The following LMNB2 variants were observed in gnomAD, a reference collection of about 807,000 sequenced individuals.
The protein encoded by LMNB2 is lamin B2.
A neutral mutation model predicts 69.3 loss-of-function variants in LMNB2; 17 were observed. The ratio of observed to expected loss-of-function variants is 0.25; its 90% CI spans 0.17 to 0.37. LMNB2 has a LOEUF of 0.37. Among genes scored for constraint, LMNB2 ranks in the 10% least tolerant of loss-of-function variants. The pLI is 1.00. For missense variants in LMNB2, 789 were observed against 883.6 expected (o/e 0.89, Z 1.36); for synonymous variants, 397 against 389.3 (o/e 1.02, Z -0.23).
In LMNB2 at chr19:2,453,498, C is replaced by T. The variant is rs1972053386; in HGVS notation, c.264+3172G>A. Among the ~76,000 whole-genome samples the T allele has an allele frequency of 4.6e-5, 7 of 152,130 alleles. No homozygotes were observed. Among genetic ancestry groups the T allele is most frequent in the Admixed American group, 3.9e-4 (6 of 15,270 alleles). On this transcript the variant is annotated intron_variant, in intron 1 of 11. Transcript: ENST00000325327. The surrounding 1 kb of genome is among the most constrained non-coding windows in gnomAD (Gnocchi z 4.4). ...CCCCAGCAGGCTTCCAACTCTGCTC[C>T]CCACTAGCCGGGTTCCTGGCCCACT...
Position 2,443,343 on chromosome 19 carries a change from C to T in LMNB2, c.401+1061G>A, listed in dbSNP as rs1247806639. Among the ~76,000 whole-genome samples, 1 of 152,164 alleles carries T rather than the reference C, an allele frequency of 6.6e-6. No homozygotes were observed. Among genetic ancestry groups the T allele is most frequent in the African/African-American group, 2.4e-5 (1 of 41,434 alleles). ...AGCGCCAGCCCAGGAAGGAGGAGGGCGTCGGATGGAGAGGTCACCTGCAAC... is the reference window on the plus strand; with the variant it reads ...AGCGCCAGCCCAGGAAGGAGGAGGGTGTCGGATGGAGAGGTCACCTGCAAC... On this transcript the variant is annotated intron_variant, in intron 2 of 11. Transcript: ENST00000325327. The surrounding 1 kb of genome is among the most constrained non-coding windows in gnomAD (Gnocchi z 6.2).
At chr19:2,444,026 G>A (rs950786833) in intron 2 of LMNB2, among the ~76,000 whole-genome samples, 1 of 152,120 alleles carries the variant, frequency 6.6e-6, no homozygotes, top group Admixed American at 6.5e-5. Flanking sequence ...GCCTACGATG[G>A]GGCCTGAGGT....
chr19:2,446,923 A>C (rs893369987), intron 1 of LMNB2, among the ~76,000 whole-genome samples: 4 of 152,028 alleles, frequency 2.6e-5, no homozygotes, highest in African/African-American at 9.7e-5. Flanking sequence ...GGCGGATCAC[A>C]AGGTCAGGAG....
intron 4 of LMNB2, among the ~76,000 whole-genome samples, chr19:2,436,538 C>T (rs1225618066): frequency 9.4e-5 from 14 of 149,468 alleles, no homozygotes; most frequent in African/African-American, 2.7e-4. Context: ...CCTCCACGGC[C>T]GCGCACCCGC....
intron 1 of LMNB2, among the ~76,000 whole-genome samples, chr19:2,454,192 C>CG (rs1972061982): frequency 6.7e-6 from 1 of 148,822 alleles, no homozygotes; most frequent in Non-Finnish European, 1.5e-5. Context: ...ACTCGGGAGA[C>CG]GGGGGCAGGA....
At chr19:2,454,288 A>G (rs1972064223) in intron 1 of LMNB2, among the ~76,000 whole-genome samples, 7 of 125,408 alleles carry the variant, frequency 5.6e-5, no homozygotes, top group Admixed American at 4.9e-4. Context: ...GCGAGACTCT[A>G]TCTCAAAAAA....
intron 1 of LMNB2, among the ~76,000 whole-genome samples, 173 bp downstream of exon 1, chr19:2,456,497 C>A (rs989420883): frequency 6.7e-6 from 1 of 150,336 alleles, no homozygotes; most frequent in Non-Finnish European, 1.5e-5. Context: ...GTGGGAGGGA[C>A]CTGGCCGAGC....
chr19:2,435,189 G>C lies in LMNB2; in HGVS notation c.685-18C>G, dbSNP rs771124388. 1 of 1,598,774 alleles carries C rather than the reference G, an allele frequency of 6.3e-7. No individual in the cohort carries two copies. Reference sequence around the variant, plus strand: ...CGCACCTCCTGCGGACCAAGGCTTCGTGACCCTCTGGTCCCGCCTGGGCCC... The same window carrying C: ...CGCACCTCCTGCGGACCAAGGCTTCCTGACCCTCTGGTCCCGCCTGGGCCC... On this transcript the variant is annotated intron_variant, in intron 4 of 11. Transcript: ENST00000325327.
rs948321251 is a variant in LMNB2 at position 2,428,544 on chromosome 19, G to A, written c.*2367C>T. 2 of 152,258 alleles carry A rather than the reference G, an allele frequency of 1.3e-5. No homozygotes were observed. Among genetic ancestry groups the A allele is most frequent in the African/African-American group, 4.8e-5 (2 of 41,460 alleles). 9.4% of individuals were successfully genotyped at this position (152,258 alleles called of 1,614,324 possible). A position where few individuals can be genotyped will look rare whatever the true frequency, so the allele number is the denominator to read the frequency against. ...AGGCCTCCCGGCTCCTGGGCTCAGCGGGGCAGGCTTCAGCGTTAACCTGGC... is the reference window on the plus strand; with the variant it reads ...AGGCCTCCCGGCTCCTGGGCTCAGCAGGGCAGGCTTCAGCGTTAACCTGGC... On this transcript the variant is annotated 3_prime_UTR_variant, in exon 12 of 12. Coordinates refer to ENST00000325327, the MANE Select transcript of LMNB2 (RefSeq NM_032737.4).
Position 2,433,998 on chromosome 19 carries a change from T to A in LMNB2, c.1310A>T (p.Lys437Met). 3.7e-6 allele frequency: 6 copies of A among 1,609,764 alleles called. No individual in the cohort carries two copies. Among genetic ancestry groups the A allele is most frequent in the Non-Finnish European group, 4.2e-6 (5 of 1,179,152 alleles). ...CAAGGGCTCCTCCACCTCCAGCCGC[T>A]TCCGCTTACTGCGGCCCAGGCGCCC... ...ATGRLGRSKR[K>M]RLEVEEPLGS... Residue 437 changes from lysine (K) to methionine (M), a missense_variant, in exon 8 of 12, where the codon AAG (lysine) becomes ATG (methionine). Lys to Met is a moderately conservative substitution (Grantham distance 95). Around this residue, in one of 3 missense-constraint regions of LMNB2, gnomAD observed 609 missense variants for 630.9 expected, o/e 0.97. Transcript: ENST00000325327.
rs1488673822 is a variant in LMNB2, at chr19:2,429,432, G to A, written c.*1479C>T. ...CTTCTGAGAGCAAGGACAGCGAGCA[G>A]GGGCTACGTGGAGCAGCGGGTGTTT... On this transcript the variant is annotated 3_prime_UTR_variant, in exon 12 of 12. Coordinates refer to ENST00000325327, the MANE Select transcript of LMNB2 (RefSeq NM_032737.4). 16 of 152,422 alleles carry A rather than the reference G, an allele frequency of 1.0e-4. No individual in the cohort carries two copies. Among genetic ancestry groups the A allele is most frequent in the Admixed American group, 1.0e-3 (16 of 15,306 alleles). 9.4% of individuals were successfully genotyped at this position (152,422 alleles called of 1,614,324 possible).
intron 4 of LMNB2, 115 bp downstream of exon 4, chr19:2,438,048 G>A: frequency 1.3e-6 from 2 of 1,504,794 alleles, no homozygotes; most frequent in Non-Finnish European, 1.8e-6. Flanking sequence ...AGCCTCCCTA[G>A]AGCCGTGGGA....
intron 2 of LMNB2, among the ~76,000 whole-genome samples, chr19:2,439,738 T>C (rs71339107): frequency 2.8e-4 from 40 of 141,582 alleles, no homozygotes; most frequent in African/African-American, 9.9e-4. Flanking sequence ...CCCTAGAGCC[T>C]TTTTTTTTTT....
In LMNB2 at chr19:2,438,202, C is replaced by A. The variant is rs1311354821; in HGVS notation, c.645G>T (p.Leu215=). 2 of 1,614,086 alleles carry A rather than the reference C, an allele frequency of 1.2e-6. No homozygotes were observed. The highest frequency in any genetic ancestry group is 1.6e-4 in the Middle Eastern group (1 of 6,062). Residue 215 remains leucine (L), a synonymous_variant, in exon 4 of 12, where the codon CTG becomes CTT. Transcript: ENST00000325327. The stretch of plus-strand genomic sequence containing the variant: ...TCTTCCGGAAGTCCAGCTCCTCCTG[C>A]AGGCTCTGGCAGCGGTTCTCCAGGT... The part of the protein sequence containing the change: ...RVDLENRCQS[L]QEELDFRKSV...
At position 2,443,480 on chromosome 19, in the gene LMNB2, G is replaced by A. The variant is rs999157568; in HGVS notation, c.401+924C>T. ...CAAGCCACTGGCTGCTGTCACCCCCGTACCAGGTGGCCGAGGTGCCACCCC... is the reference window on the plus strand; with the variant it reads ...CAAGCCACTGGCTGCTGTCACCCCCATACCAGGTGGCCGAGGTGCCACCCC... On this transcript the variant is annotated intron_variant, in intron 2 of 11. Transcript: ENST00000325327. The surrounding 1 kb of genome is among the most constrained non-coding windows in gnomAD (Gnocchi z 6.2). Among the ~76,000 whole-genome samples the A allele has an allele frequency of 1.3e-5, 2 of 150,928 alleles. No individual in the cohort carries two copies. The highest frequency in any genetic ancestry group is 4.9e-5 in the African/African-American group (2 of 40,864).
chr19:2,447,750 G>C lies in LMNB2; in HGVS notation c.265-3210C>G, dbSNP rs919743745. Among the ~76,000 whole-genome samples, 1 of 152,158 alleles carries C rather than the reference G, an allele frequency of 6.6e-6. No individual in the cohort carries two copies. The highest frequency in any genetic ancestry group is 1.5e-5 in the Non-Finnish European group (1 of 68,012). On this transcript the variant is annotated intron_variant, in intron 1 of 11. Transcript: ENST00000325327. The surrounding 1 kb of genome is among the most constrained non-coding windows in gnomAD (Gnocchi z 4.4). ...GGCCACACCCCCATGTTACAGGCGAGGCTCCTGTGCAGAGGGCTGGGGGCC... is the reference window on the plus strand; with the variant it reads ...GGCCACACCCCCATGTTACAGGCGACGCTCCTGTGCAGAGGGCTGGGGGCC...
At chr19:2,450,777 G>A (rs1972013029) in intron 1 of LMNB2, among the ~76,000 whole-genome samples, 1 of 151,876 alleles carries the variant, frequency 6.6e-6, no homozygotes, top group Admixed American at 6.6e-5. Context: ...GACTATAGCC[G>A]TGCACCACCA....
At chr19:2,449,638 G>A (rs1230392593) in intron 1 of LMNB2, among the ~76,000 whole-genome samples, 6 of 151,834 alleles carry the variant, frequency 4.0e-5, no homozygotes, top group African/African-American at 4.8e-5. Flanking sequence ...TTAGCTGGGT[G>A]TGGTGGTAGG....
chr19:2,441,625 C>G (rs193210811), intron 2 of LMNB2, among the ~76,000 whole-genome samples: 99 of 152,338 alleles, frequency 6.5e-4, no homozygotes, highest in Non-Finnish European at 5.6e-4. Context: ...TGGAAGGCAC[C>G]GCTCTCACAC....
Sources: allele counts gnomAD v4.1 joint callset (sites outside exome capture counted in the v4.1 genomes callset), GRCh38; gene constraint gnomAD v4.1.1; regional missense constraint gnomAD v4.1.1; non-coding constraint Gnocchi (gnomAD v3.1); transcripts MANE v1.5; gene names NCBI Gene and HGNC (gene_info 2026-07-23, HGNC 2026-07-21).